FAM135B: variants seen among roughly 807,000 people sequenced by gnomAD.
The protein encoded by FAM135B is family with sequence similarity 135 member B, also known as protein FAM135B.
Under a neutral mutation model 127.7 loss-of-function variants are expected in FAM135B, and 43 were observed. That is an observed-to-expected ratio of 0.34 (90% CI 0.26 to 0.43). The LOEUF (loss-of-function observed/expected upper bound fraction) is 0.43, where lower values mean the gene tolerates loss of function less well. Ranked by LOEUF, FAM135B falls within the 20% of genes least tolerant of loss-of-function variation. FAM135B has a pLI of 1.00. For missense variants in FAM135B, 1,558 were observed against 1,725.6 expected (o/e 0.90, Z 1.72); for synonymous variants, 670 against 665.1 (o/e 1.01, Z -0.11).
intron 1 of FAM135B, among the ~76,000 whole-genome samples, chr8:138,452,156 G>T (rs1836527039): frequency 8.1e-6 from 1 of 124,204 alleles, no homozygotes; most frequent in Non-Finnish European, 1.6e-5. Flanking sequence ...TTGAGATGGA[G>T]TCTTGCTCTG....
intron 1 of FAM135B, among the ~76,000 whole-genome samples, chr8:138,375,540 C>A (rs527633139): frequency 6.6e-6 from 1 of 152,222 alleles, no homozygotes; most frequent in Admixed American, 6.5e-5. Context: ...TTATCCCCAA[C>A]AGGTAACACA....
chr8:138,296,047 T>C (rs1385730393), intron 3 of FAM135B, among the ~76,000 whole-genome samples: 1 of 152,216 alleles, frequency 6.6e-6, no homozygotes, highest in Non-Finnish European at 1.5e-5. Flanking sequence ...AAGGCTCAGA[T>C]ATTTGCTGCT....
chr8:138,192,411 T>A (rs3095), intron 9 of FAM135B, among the ~76,000 whole-genome samples: 72,300 of 152,102 alleles, frequency 0.48, 17,737 homozygotes, highest in Non-Finnish European at 0.52. Flanking sequence ...TGTAAGACTA[T>A]CAAATTAGCC....
intron 1 of FAM135B, among the ~76,000 whole-genome samples, chr8:138,416,110 G>C (rs963626953): frequency 1.3e-5 from 2 of 152,266 alleles, no homozygotes; most frequent in East Asian, 3.9e-4. Context: ...ATTCAGCTCA[G>C]TTTGTAAGGC....
chr8:138,320,787 G>A (rs1440679667), intron 2 of FAM135B, among the ~76,000 whole-genome samples: 1 of 152,158 alleles, frequency 6.6e-6, no homozygotes, highest in African/African-American at 2.4e-5. Flanking sequence ...GAATGAATAA[G>A]TGAAAATTCT....
chr8:138,459,782 T>C (rs1401601), intron 1 of FAM135B, among the ~76,000 whole-genome samples: 99,908 of 151,820 alleles, frequency 0.66, 34,092 homozygotes, highest in East Asian at 0.99. Flanking sequence ...TTCCAAGCTA[T>C]GGCAAAGGGA....
At chr8:138,405,213 CTTTTTTTTT>C (rs146039265) in intron 1 of FAM135B, among the ~76,000 whole-genome samples, 1 of 147,592 alleles carries the variant, frequency 6.8e-6, no homozygotes, top group African/African-American at 2.5e-5. Flanking sequence ...CTTTTTTTTT[CTTTTTTTTT>C]TCTTCTTATT....
Position 138,148,668 on chromosome 8 carries a change from T to A in FAM135B, c.3300A>T (p.Glu1100Asp), listed in dbSNP as rs575524940. 1.9e-6 allele frequency: 3 copies of A among 1,606,172 alleles called. No individual in the cohort carries two copies. The highest frequency in any genetic ancestry group is 1.7e-5 in the Admixed American group (1 of 58,830). Residue 1100 changes from glutamate (E) to aspartate (D), a missense_variant, in exon 14 of 20, where the codon GAA becomes GAT. Physicochemically the swap from Glu to Asp is conservative, Grantham distance 45. Coordinates refer to ENST00000395297, the MANE Select transcript of FAM135B (RefSeq NM_015912.4). The part of the protein sequence containing the change: ...ERMFSFYQAK[E>D]KFKKELKIEG... Reference sequence around the variant, plus strand: ...CAATCTTCAGTTCTTTTTTAAATTTTTCTTTGGCCTGATAAAAACTGGAGA... The same window carrying A: ...CAATCTTCAGTTCTTTTTTAAATTTATCTTTGGCCTGATAAAAACTGGAGA...
intron 6 of FAM135B, among the ~76,000 whole-genome samples, chr8:138,245,218 T>G (rs532737168): frequency 6.6e-6 from 1 of 152,340 alleles, no homozygotes; most frequent in East Asian, 1.9e-4. Flanking sequence ...GTCGGAAGGT[T>G]AAACATTTTA....
rs115312580 is a variant in FAM135B, at chr8:138,313,305, T to C, written c.78-2385A>G. ...CACCACCATTCCCAGCTAATTTTTT[T>C]ATTTTTAGTAGCAACTGCGTTTCAC... On this transcript the variant is annotated intron_variant, in intron 2 of 19. Coordinates refer to ENST00000395297, the MANE Select transcript of FAM135B (RefSeq NM_015912.4). Among the ~76,000 whole-genome samples the C allele has an allele frequency of 4.3e-3, 652 of 152,176 alleles. 4 individuals carry two copies. Among genetic ancestry groups the C allele is most frequent in the African/African-American group, 0.015 (606 of 41,514 alleles).
At chr8:138,446,353 C>G (rs1304910106) in intron 1 of FAM135B, among the ~76,000 whole-genome samples, 1 of 152,120 alleles carries the variant, frequency 6.6e-6, no homozygotes, top group African/African-American at 2.4e-5. Context: ...CCAAGTCAAT[C>G]CTAAGCCAAA....
chr8:138,375,252 ATTG>A (rs144771373), intron 1 of FAM135B, among the ~76,000 whole-genome samples: 64,113 of 151,836 alleles, frequency 0.42, 14,237 homozygotes, highest in East Asian at 0.64. Context: ...ATATGAGCTG[ATTG>A]TTTTGTCAAA....
chr8:138,437,379 C>G (rs1835511343), intron 1 of FAM135B: 1 of 152,126 alleles, frequency 6.6e-6, no homozygotes, highest in Admixed American at 6.5e-5. Context: ...GGCAGTTACT[C>G]TCATGCTGTT....
At chr8:138,341,941 C>G (rs1028841538) in intron 2 of FAM135B, among the ~76,000 whole-genome samples, 2 of 152,082 alleles carry the variant, frequency 1.3e-5, no homozygotes, top group Non-Finnish European at 2.9e-5. Flanking sequence ...ACTCTATATA[C>G]TATTTTAGGT....
At chr8:138,252,918 C>G (rs746121287) in intron 5 of FAM135B, among the ~76,000 whole-genome samples, 2 of 152,112 alleles carry the variant, frequency 1.3e-5, no homozygotes, top group African/African-American at 4.8e-5. Flanking sequence ...TCCCACCTCA[C>G]CCTCCCAAGT....
In FAM135B at chr8:138,132,629, C is replaced by T. The variant is rs1176765093; in HGVS notation, c.4185G>A (p.Lys1395=). ...AVLDSELFLE[K]FFLVAGLNYF... is the part of the protein sequence containing the mutation. Reference sequence around the variant, plus strand: ...AGTTGAGTCCTGCCACCAAGAAAAACTTCTCCAGGAAGAGTTCTGAATCCA... The same window carrying T: ...AGTTGAGTCCTGCCACCAAGAAAAATTTCTCCAGGAAGAGTTCTGAATCCA... Residue 1395 remains lysine (K), a synonymous_variant, in exon 20 of 20, where the codon AAG becomes AAA. Transcript: ENST00000395297. This position sits in a 1 kb window ranked among gnomAD's most constrained non-coding sequence, Gnocchi z 4.5. 1.2e-6 allele frequency: 2 copies of T among 1,614,106 alleles called. No homozygotes were observed. The highest frequency in any genetic ancestry group is 1.7e-6 in the Non-Finnish European group (2 of 1,180,060).
chr8:138,312,033 G>A (rs774658022), intron 2 of FAM135B, among the ~76,000 whole-genome samples: 1 of 152,122 alleles, frequency 6.6e-6, no homozygotes, highest in Non-Finnish European at 1.5e-5. Flanking sequence ...TACAACATCT[G>A]CCTCCTGGGT....
chr8:138,310,751 A>G, intron 3 of FAM135B, 90 bp downstream of exon 3: 2 of 1,164,912 alleles, frequency 1.7e-6, no homozygotes, highest in East Asian at 4.8e-5. Context: ...GTATGTCTAC[A>G]TGCCTTGCAC....
intron 2 of FAM135B, chr8:138,367,487 G>T (rs1274610540): frequency 4.4e-6 from 2 of 458,456 alleles, no homozygotes; most frequent in Non-Finnish European, 8.7e-6. Flanking sequence ...GTTTTTGAAA[G>T]ATCTAGGCAC....
Sources: allele counts gnomAD v4.1 joint callset (sites outside exome capture counted in the v4.1 genomes callset), GRCh38; gene constraint gnomAD v4.1.1; non-coding constraint Gnocchi (gnomAD v3.1); transcripts MANE v1.5; gene names NCBI Gene and HGNC (gene_info 2026-07-23, HGNC 2026-07-21).